Variants in UNC13C observed in about 807,000 individuals in gnomAD.
The protein encoded by UNC13C is unc-13 homolog C.
In UNC13C, 174 loss-of-function variants were observed where a neutral mutation model predicts 245.4. The ratio of observed to expected loss-of-function variants is 0.71; its 90% CI spans 0.63 to 0.80. UNC13C has a LOEUF of 0.80. Ranked by LOEUF, UNC13C falls within the 30% of genes least tolerant of loss-of-function variation. UNC13C has a pLI of 0.00. For synonymous variants in UNC13C, 992 were observed against 895.1 expected, an observed-to-expected ratio of 1.11 and a Z score of -1.93; for missense variants, 2,829 against 2,602.9, an observed-to-expected ratio of 1.09 and a Z score of -1.89.
chr15:54,508,229 T>G (rs1333650772), intron 23 of UNC13C, among the ~76,000 whole-genome samples: 1 of 145,852 alleles, frequency 6.9e-6, no homozygotes, highest in Non-Finnish European at 1.5e-5. Context: ...TCTAAAGTGT[T>G]ACATTGAAAA....
At chr15:54,463,057 A>G (rs890532764) in intron 19 of UNC13C, among the ~76,000 whole-genome samples, 1 of 151,838 alleles carries the variant, frequency 6.6e-6, no homozygotes, top group African/African-American at 2.4e-5. Flanking sequence ...AAATGCACCA[A>G]TCAGTGCTCT....
rs376591091 is a variant in UNC13C, at chr15:54,013,638, G to T, written c.735G>T (p.Met245Ile). 5.0e-6 allele frequency: 8 copies of T among 1,613,590 alleles called. No homozygotes were observed. The highest frequency in any genetic ancestry group is 6.8e-6 in the Non-Finnish European group (8 of 1,179,812). Residue 245 changes from methionine (M) to isoleucine (I), a missense_variant, in exon 2 of 33, where the codon ATG becomes ATT. Physicochemically the swap from Met to Ile is conservative, Grantham distance 10. Coordinates refer to ENST00000260323, the MANE Select transcript of UNC13C (RefSeq NM_001080534.3). ...GCCAAACACATGATGTCATGGAAAT[G>T]ATCTTTAAGGAACTTCAGGGAATAA... is the stretch of plus-strand genomic sequence containing the variant. ...CISQTHDVME[M>I]IFKELQGISQ...
At chr15:53,901,144 A>AT in the UNC13C span, among the ~76,000 whole-genome samples, 1 of 150,494 alleles carries the variant, frequency 6.6e-6, no homozygotes, top group East Asian at 1.9e-4. Flanking sequence ...TCATGGGTTT[A>AT]TTTTTTATAA....
At chr15:54,470,789 T>A (rs907977942) in intron 19 of UNC13C, among the ~76,000 whole-genome samples, 6 of 151,352 alleles carry the variant, frequency 4.0e-5, no homozygotes, top group African/African-American at 1.5e-4. Context: ...TCTGCTAATG[T>A]TGCATTTAGT....
chr15:54,601,520 A>T (rs970826897), intron 30 of UNC13C, among the ~76,000 whole-genome samples: 2 of 152,218 alleles, frequency 1.3e-5, no homozygotes, highest in Admixed American at 6.5e-5. Context: ...AATGTGGGCA[A>T]AGTGGTGTAG....
At chr15:54,159,775 G>T (rs58017453) in intron 4 of UNC13C, among the ~76,000 whole-genome samples, 43,981 of 152,032 alleles carry the variant, frequency 0.29, 6,593 homozygotes, top group African/African-American at 0.36. Context: ...GAAACATGAG[G>T]GTTGTGCCTA....
intron 2 of UNC13C, among the ~76,000 whole-genome samples, chr15:54,089,716 C>T (rs1023172657): frequency 4.0e-5 from 6 of 148,892 alleles, no homozygotes; most frequent in African/African-American, 1.2e-4. Context: ...GTGTTTGATG[C>T]ACTTCACCTT....
At chr15:54,168,298 T>A (rs2033260122) in intron 4 of UNC13C, among the ~76,000 whole-genome samples, 1 of 152,186 alleles carries the variant, frequency 6.6e-6, no homozygotes, top group South Asian at 2.1e-4. Context: ...ACTTTGAGAT[T>A]TGTTTGGACT....
chr15:54,203,484 G>GTGTGTATA (rs796426371), intron 4 of UNC13C, among the ~76,000 whole-genome samples: 12 of 139,744 alleles, frequency 8.6e-5, no homozygotes, highest in Admixed American at 2.9e-4. Flanking sequence ...ATGTGTGTGT[G>GTGTGTATA]TATATATATA....
At chr15:54,254,534 A>G (rs968556852) in intron 8 of UNC13C, among the ~76,000 whole-genome samples, 3 of 152,230 alleles carry the variant, frequency 2.0e-5, no homozygotes, top group Non-Finnish European at 2.9e-5. Flanking sequence ...AGGAACAAGA[A>G]CTACAACTAG....
intron 18 of UNC13C, among the ~76,000 whole-genome samples, chr15:54,397,186 A>G (rs142484439): frequency 1.3e-5 from 2 of 151,542 alleles, no homozygotes; most frequent in East Asian, 3.9e-4. Context: ...TTTCAAGCCA[A>G]TTTTTGCTTG....
intron 7 of UNC13C, among the ~76,000 whole-genome samples, chr15:54,242,862 CCTGA>C (rs2035891009): frequency 6.6e-6 from 1 of 152,026 alleles, no homozygotes; most frequent in African/African-American, 2.4e-5. Context: ...TCCATGGTTC[CCTGA>C]CTGACTTTGA....
the UNC13C span, among the ~76,000 whole-genome samples, chr15:53,898,956 C>A: frequency 6.6e-6 from 1 of 152,062 alleles, no homozygotes; most frequent in Non-Finnish European, 1.5e-5. Context: ...CACTGCCCCC[C>A]ACCCCATCCC....
chr15:54,277,575 G>T (rs1005493201), intron 10 of UNC13C, among the ~76,000 whole-genome samples: 6 of 152,156 alleles, frequency 3.9e-5, no homozygotes, highest in African/African-American at 1.4e-4. Flanking sequence ...CTAATTGGCA[G>T]ATAATTAAGT....
chr15:53,897,614 A>C, the UNC13C span, among the ~76,000 whole-genome samples: 2 of 152,142 alleles, frequency 1.3e-5, no homozygotes, highest in African/African-American at 2.4e-5. Context: ...ATTACAACTC[A>C]ACTGAATTGA....
At chr15:54,407,940 A>T (rs143702335) in intron 18 of UNC13C, among the ~76,000 whole-genome samples, 1 of 151,982 alleles carries the variant, frequency 6.6e-6, no homozygotes, top group Admixed American at 6.6e-5. Flanking sequence ...GGTGGCTCAC[A>T]CCTGTAATCC....
chr15:54,320,896 C>A, intron 13 of UNC13C: 1 of 336,700 alleles, frequency 3.0e-6, no homozygotes, highest in South Asian at 2.5e-5. Flanking sequence ...CTATCATTGC[C>A]AAAATTGTTG....
the UNC13C span, among the ~76,000 whole-genome samples, chr15:53,877,928 C>CAG: frequency 2.0e-5 from 3 of 152,124 alleles, no homozygotes; most frequent in Non-Finnish European, 4.4e-5. Context: ...TGGAATCATA[C>CAG]AGTATGTTCT....
At chr15:54,149,577 G>T (rs2141248113) in intron 4 of UNC13C, among the ~76,000 whole-genome samples, 1 of 152,280 alleles carries the variant, frequency 6.6e-6, no homozygotes, top group African/African-American at 2.4e-5. Flanking sequence ...GATCTTCTGA[G>T]ACTGATCTTC....
Sources: gnomAD v4.1 joint callset for allele counts (sites outside exome capture counted in the v4.1 genomes callset) on GRCh38, gnomAD v4.1.1 for gene constraint, MANE v1.5 for transcripts, NCBI Gene and HGNC (gene_info 2026-07-23, HGNC 2026-07-21) for gene names.